Variants in SYNE1 observed in about 807,000 individuals in gnomAD.
The protein encoded by SYNE1 is spectrin repeat containing nuclear envelope protein 1, also known as nesprin-1.
SYNE1 carries 616 observed loss-of-function variants against 1,111.0 expected under a neutral mutation model. That is an observed-to-expected ratio of 0.55 (90% CI 0.52 to 0.59). The LOEUF (loss-of-function observed/expected upper bound fraction) is 0.59. Ranked by LOEUF, SYNE1 falls within the 20% of genes least tolerant of loss-of-function variation. The pLI is 0.00. For missense variants in SYNE1, 10,006 were observed against 10,417.0 expected, an observed-to-expected ratio of 0.96 and a Z score of 1.72; for synonymous variants, 3,855 against 3,825.8, an observed-to-expected ratio of 1.01 and a Z score of -0.28.
intron 3 of SYNE1, among the ~76,000 whole-genome samples, chr6:152,577,563 G>A (rs1268389870): frequency 6.6e-6 from 1 of 152,136 alleles, no homozygotes; most frequent in Non-Finnish European, 1.5e-5. Context: ...ACCCCGGGAG[G>A]CGGAGCTTGC....
intron 30 of SYNE1, among the ~76,000 whole-genome samples, chr6:152,443,219 C>A (rs2098548484): frequency 6.6e-6 from 1 of 151,990 alleles, no homozygotes; most frequent in South Asian, 2.1e-4. Context: ...ACCCAAAAAA[C>A]CATTTCACAA....
intron 97 of SYNE1, 45 bp downstream of exon 97, chr6:152,281,762 T>C (rs2094041401): frequency 6.2e-7 from 1 of 1,608,834 alleles, no homozygotes; most frequent in Non-Finnish European, 8.5e-7. Flanking sequence ...TTTAAAAAAA[T>C]GTGCTTCATG....
rs531528157 is a variant in SYNE1 at position 152,401,670 on chromosome 6, T to A, written c.6826-329A>T. On this transcript the variant is annotated intron_variant, in intron 46 of 145. Coordinates refer to ENST00000367255, the MANE Select transcript of SYNE1 (RefSeq NM_182961.4). ...AGAATTCCCAGGTGGTGACCAAAAA[T>A]CTGCTCTTGATTCTCCCTGGAAATA... Among the ~76,000 whole-genome samples the A allele has an allele frequency of 6.6e-5, 10 of 152,306 alleles. No individual in the cohort carries two copies. The East Asian group carries it at 1.9e-3, about 29-fold the overall frequency.
rs761555219 is a variant in SYNE1 at position 152,450,844 on chromosome 6, A to G, written c.3187-11T>C. ...GTCACTGAAGAAAACCTAATGTGTA[A>G]TAAATGTTTTTATAATCCCTGTGAG... On this transcript the variant is annotated splice_polypyrimidine_tract_variant and intron_variant, in intron 26 of 145. Coordinates refer to ENST00000367255, the MANE Select transcript of SYNE1 (RefSeq NM_182961.4). 6.2e-7 allele frequency: 1 copy of G among 1,613,516 alleles called. No homozygotes were observed. Among genetic ancestry groups the G allele is most frequent in the Non-Finnish European group, 8.5e-7 (1 of 1,179,672 alleles).
chr6:152,217,373 G>A (rs1381712343), intron 121 of SYNE1, among the ~76,000 whole-genome samples: 1 of 146,560 alleles, frequency 6.8e-6, no homozygotes, highest in Non-Finnish European at 1.5e-5. Context: ...TCCAGCCTGG[G>A]CGACAAAGCA....
chr6:152,440,936 C>T (rs2098524249), intron 32 of SYNE1, among the ~76,000 whole-genome samples, 194 bp downstream of exon 32: 1 of 152,098 alleles, frequency 6.6e-6, no homozygotes, highest in Non-Finnish European at 1.5e-5. Context: ...TGATAAAAAT[C>T]TTTGTTTTAC....
intron 36 of SYNE1, among the ~76,000 whole-genome samples, chr6:152,428,818 G>A (rs2098400307): frequency 6.6e-6 from 1 of 151,986 alleles, no homozygotes; most frequent in African/African-American, 2.4e-5. Flanking sequence ...TAGTGAAAAT[G>A]AGAAGAAAGT....
intron 38 of SYNE1, among the ~76,000 whole-genome samples, chr6:152,427,381 C>T (rs2098375971): frequency 1.3e-5 from 2 of 152,210 alleles, no homozygotes; most frequent in African/African-American, 4.8e-5. Context: ...CCTCTTTCAT[C>T]TATATTCCTA....
chr6:152,345,917 C>T (rs966112895), intron 73 of SYNE1, among the ~76,000 whole-genome samples: 14 of 152,082 alleles, frequency 9.2e-5, no homozygotes, highest in East Asian at 1.9e-4. Flanking sequence ...GTCAGTTACT[C>T]GTTTCTCAAA....
chr6:152,550,336 C>A (rs1392178702), intron 3 of SYNE1, among the ~76,000 whole-genome samples: 1 of 151,838 alleles, frequency 6.6e-6, no homozygotes, highest in Non-Finnish European at 1.5e-5. Flanking sequence ...AATTCTTAAC[C>A]TCTAAAAAAT....
intron 4 of SYNE1, among the ~76,000 whole-genome samples, chr6:152,527,980 G>T (rs2099171073): frequency 6.6e-6 from 1 of 152,042 alleles, no homozygotes; most frequent in African/African-American, 2.4e-5. Context: ...CCTGGAATTG[G>T]CCTTCCGATC....
intron 14 of SYNE1, chr6:152,478,615 T>C (rs1277137135): frequency 6.6e-6 from 1 of 152,370 alleles, no homozygotes; most frequent in Non-Finnish European, 1.5e-5. Flanking sequence ...AATTCTTTTC[T>C]GATTGCTTCT....
intron 72 of SYNE1, 98 bp downstream of exon 72, chr6:152,350,070 G>A (rs2096714957): frequency 1.4e-6 from 2 of 1,452,548 alleles, no homozygotes; most frequent in South Asian, 2.3e-5. Flanking sequence ...AGATGCACCT[G>A]TGTGTGCACC....
At position 152,433,947 on chromosome 6, in the gene SYNE1, TAAAATTAACC is replaced by T. The variant is rs1239183346; in HGVS notation, c.4311-12_4311-3del. 1.3e-5 allele frequency: 21 copies of T among 1,610,884 alleles called. No homozygotes were observed. Among genetic ancestry groups the T allele is most frequent in the Non-Finnish European group, 1.8e-5 (21 of 1,177,928 alleles). ...TTCACCATTTCCATGGTTTTAATAC[TAAAATTAACC>T]AAATTAAGTAAATAAAACTCAGTAT... On this transcript the variant is annotated splice_polypyrimidine_tract_variant and splice_region_variant and intron_variant, in intron 33 of 145. Coordinates refer to ENST00000367255, the MANE Select transcript of SYNE1 (RefSeq NM_182961.4).
chr6:152,413,201 G>T, intron 42 of SYNE1, 151 bp downstream of exon 42: 1 of 958,842 alleles, frequency 1.0e-6, no homozygotes, highest in Non-Finnish European at 1.6e-6. Flanking sequence ...GTCGAAATAA[G>T]TAAATTTTCA....
chr6:152,187,752 T>A (rs1227469846), intron 128 of SYNE1, among the ~76,000 whole-genome samples: 1 of 151,782 alleles, frequency 6.6e-6, no homozygotes, highest in African/African-American at 2.4e-5. Flanking sequence ...AGAGATGGAG[T>A]TACGCTCTTG....
intron 99 of SYNE1, 88 bp from the exon 100 acceptor site, chr6:152,268,253 G>A (rs746649672): frequency 1.3e-5 from 14 of 1,071,392 alleles, no homozygotes; most frequent in Middle Eastern, 2.0e-4. Context: ...AATTCTCAGA[G>A]AACTTCGGTA....
chr6:152,626,050 C>T (rs188584366), intron 3 of SYNE1, among the ~76,000 whole-genome samples: 1 of 152,256 alleles, frequency 6.6e-6, no homozygotes, highest in Non-Finnish European at 1.5e-5. Context: ...TAGCTCTTTC[C>T]TCCATGCCAC....
At chr6:152,610,810 A>G (rs1583399900) in intron 3 of SYNE1, among the ~76,000 whole-genome samples, 1 of 152,250 alleles carries the variant, frequency 6.6e-6, no homozygotes, top group South Asian at 2.1e-4. Flanking sequence ...CAGAAACCCT[A>G]CCAGCCAGAA....
Sources: allele counts gnomAD v4.1 joint callset (sites outside exome capture counted in the v4.1 genomes callset), GRCh38; gene constraint gnomAD v4.1.1; transcripts MANE v1.5; gene names NCBI Gene and HGNC (gene_info 2026-07-23, HGNC 2026-07-21).